The following KMT2C variants were observed in gnomAD, a reference collection of about 807,000 sequenced individuals.
The protein encoded by KMT2C is lysine methyltransferase 2C, also known as histone-lysine N-methyltransferase 2C.
KMT2C carries 88 observed loss-of-function variants against 507.9 expected under a neutral mutation model. The observed-to-expected ratio is 0.17, with a 90% CI of 0.15 to 0.21. The LOEUF (loss-of-function observed/expected upper bound fraction) is 0.21, where lower values mean the gene tolerates loss of function less well. Among genes scored for constraint, KMT2C ranks in the 10% least tolerant of loss-of-function variants. The pLI is 1.00. For synonymous variants in KMT2C, 2,049 were observed against 2,080.8 expected, an observed-to-expected ratio of 0.98 and a Z score of 0.42; for missense variants, 4,954 against 5,957.8, an observed-to-expected ratio of 0.83 and a Z score of 5.55.
chr7:152,341,311 ATT>A (rs2096989190), intron 2 of KMT2C, among the ~76,000 whole-genome samples: 1 of 152,218 alleles, frequency 6.6e-6, no homozygotes, highest in South Asian at 2.1e-4. Flanking sequence ...TTCTGAAATG[ATT>A]TGTTACGTGG....
intron 1 of KMT2C, among the ~76,000 whole-genome samples, chr7:152,424,880 G>T (rs1388533477): frequency 6.6e-6 from 1 of 152,158 alleles, no homozygotes; most frequent in African/African-American, 2.4e-5. Flanking sequence ...AGCAAGGTAT[G>T]ACAGCTTCTT....
chr7:152,408,856 G>A (rs892239354), intron 1 of KMT2C, among the ~76,000 whole-genome samples: 13 of 151,760 alleles, frequency 8.6e-5, no homozygotes, highest in African/African-American at 2.7e-4. Context: ...TCCCTTGAGG[G>A]TTAATATCAA....
chr7:152,301,204 A>C (rs1326736608), intron 6 of KMT2C, among the ~76,000 whole-genome samples: 2 of 151,666 alleles, frequency 1.3e-5, no homozygotes, highest in Non-Finnish European at 2.9e-5. Context: ...TCCTAAAAAA[A>C]AAAAAAAAAA....
chr7:152,262,994 A>G (rs999670772), intron 9 of KMT2C, 22 bp downstream of exon 9: 1 of 1,559,870 alleles, frequency 6.4e-7, no homozygotes, highest in Non-Finnish European at 8.8e-7. Context: ...GATTTAAAAA[A>G]ATAAATAAAT....
intron 18 of KMT2C, among the ~76,000 whole-genome samples, chr7:152,226,421 T>C (rs1249852962): frequency 1.3e-5 from 2 of 151,896 alleles, no homozygotes; most frequent in East Asian, 1.9e-4. Context: ...TTAGTAGAGA[T>C]GGGGTTTTAC....
intron 1 of KMT2C, among the ~76,000 whole-genome samples, chr7:152,381,188 T>C (rs561393619): frequency 3.9e-5 from 6 of 152,300 alleles, no homozygotes; most frequent in Non-Finnish European, 8.8e-5. Context: ...AATATTTGAG[T>C]GCCAGCTATG....
In KMT2C at chr7:152,420,515, G is replaced by A. The variant is rs559772175; in HGVS notation, c.161+15111C>T. On this transcript the variant is annotated intron_variant, in intron 1 of 58. Coordinates refer to ENST00000262189, the MANE Select transcript of KMT2C (RefSeq NM_170606.3). Reference sequence around the variant, plus strand: ...AGAGTAAACAGACAACCTACAGAACGGGAGAAAATATCTGCAAACTATGCA... The same window carrying A: ...AGAGTAAACAGACAACCTACAGAACAGGAGAAAATATCTGCAAACTATGCA... Among the ~76,000 whole-genome samples, 39 of 152,244 alleles carry A rather than the reference G, an allele frequency of 2.6e-4. 1 individual carries two copies. In the South Asian group the frequency reaches 7.5e-3, roughly 29 times the overall value.
At chr7:152,361,738 G>T (rs922401259) in intron 1 of KMT2C, among the ~76,000 whole-genome samples, 3 of 152,162 alleles carry the variant, frequency 2.0e-5, no homozygotes, top group Admixed American at 6.5e-5. Context: ...AATTTTCACA[G>T]TAAACATAAA....
intron 34 of KMT2C, among the ~76,000 whole-genome samples, chr7:152,183,839 T>C (rs966152667): frequency 2.6e-4 from 39 of 152,004 alleles, no homozygotes; most frequent in African/African-American, 8.2e-4. Context: ...GAGGTTGTGG[T>C]GAGCCAAGAT....
chr7:152,193,223 C>T (rs554311042), intron 31 of KMT2C, among the ~76,000 whole-genome samples: 1 of 152,256 alleles, frequency 6.6e-6, no homozygotes, highest in South Asian at 2.1e-4. Flanking sequence ...CGCCACCATG[C>T]AACTCCATAA....
At chr7:152,342,713 C>T (rs1028997712) in intron 2 of KMT2C, among the ~76,000 whole-genome samples, 2 of 152,006 alleles carry the variant, frequency 1.3e-5, no homozygotes, top group Non-Finnish European at 2.9e-5. Context: ...TGGGGCCCCA[C>T]GGTTTTGTGT....
intron 2 of KMT2C, among the ~76,000 whole-genome samples, chr7:152,357,551 A>C (rs1334134448): frequency 3.3e-5 from 5 of 152,136 alleles, no homozygotes; most frequent in African/African-American, 1.2e-4. Flanking sequence ...ACAAACAAAC[A>C]AACAAAAACA....
At chr7:152,367,122 G>C (rs2097253694) in intron 1 of KMT2C, 1 of 973,344 alleles carries the variant, frequency 1.0e-6, no homozygotes, top group Admixed American at 2.0e-5. Context: ...AGAAGAGTGT[G>C]GTCTCCTAGA....
rs2093415491 is a variant in KMT2C at position 152,180,945 on chromosome 7, A to G, written c.6915T>C (p.Thr2305=). Residue 2305 remains threonine, a synonymous_variant, in exon 36 of 59, where the codon ACT becomes ACC. Transcript: ENST00000262189. ...ARDPYDQSPM[T]PRSQSDSFGT... is the part of the protein sequence containing the mutation. ...CAAAAGAGTCAGACTGAGATCTTGG[A>G]GTCATTGGAGACTGATCATAGGGAT... 6.2e-7 allele frequency: 1 copy of G among 1,614,058 alleles called. No homozygotes were observed. Among genetic ancestry groups the G allele is most frequent in the East Asian group, 2.2e-5 (1 of 44,892 alleles).
chr7:152,362,221 G>T (rs1036963146), intron 1 of KMT2C, among the ~76,000 whole-genome samples: 1 of 152,150 alleles, frequency 6.6e-6, no homozygotes, highest in Non-Finnish European at 1.5e-5. Context: ...AACTGAAGAT[G>T]AAGCAAACCA....
chr7:152,364,403 C>G (rs551074144), intron 1 of KMT2C, among the ~76,000 whole-genome samples: 2 of 151,976 alleles, frequency 1.3e-5, no homozygotes, highest in Non-Finnish European at 1.5e-5. Flanking sequence ...GTCAGGAGAT[C>G]GAGACCATCC....
intron 8 of KMT2C, among the ~76,000 whole-genome samples, chr7:152,264,325 G>C (rs1340991903): frequency 6.6e-6 from 1 of 152,146 alleles, no homozygotes; most frequent in Non-Finnish European, 1.5e-5. Context: ...TGTAAATGAA[G>C]ATACTGGTAA....
chr7:152,158,468 A>AT (rs2092233036), intron 44 of KMT2C, among the ~76,000 whole-genome samples: 1 of 151,830 alleles, frequency 6.6e-6, no homozygotes, highest in African/African-American at 2.4e-5. Flanking sequence ...TTCCTTGTCC[A>AT]GATGTCTTTT....
chr7:152,173,587 G>T (rs2093059578), intron 39 of KMT2C, among the ~76,000 whole-genome samples: 2 of 152,140 alleles, frequency 1.3e-5, no homozygotes, highest in South Asian at 4.1e-4. Context: ...TTCAGATATT[G>T]AAATAACCCC....
Sources: gnomAD v4.1 joint callset for allele counts (sites outside exome capture counted in the v4.1 genomes callset) on GRCh38, gnomAD v4.1.1 for gene constraint, MANE v1.5 for transcripts, NCBI Gene and HGNC (gene_info 2026-07-23, HGNC 2026-07-21) for gene names.